The following CHD9 variants were observed in gnomAD, a reference collection of about 807,000 sequenced individuals.
The protein encoded by CHD9 is ATP-dependent chromatin remodeler CHD9.
A neutral mutation model predicts 316.1 loss-of-function variants in CHD9; 77 were observed. That is an observed-to-expected ratio of 0.24 (90% CI 0.20 to 0.29). The LOEUF (loss-of-function observed/expected upper bound fraction) is 0.29, where lower values mean the gene tolerates loss of function less well. Ranked by LOEUF, CHD9 falls within the 10% of genes least tolerant of loss-of-function variation. The pLI, the probability that CHD9 is intolerant of heterozygous loss-of-function variation, is 1.00. For missense variants in CHD9, 2,763 were observed against 3,438.1 expected (o/e 0.80, Z 4.91); for synonymous variants, 1,129 against 1,158.3 (o/e 0.97, Z 0.51).
At chr16:53,266,482 C>T (rs542769019) in intron 20 of CHD9, among the ~76,000 whole-genome samples, 10 of 152,242 alleles carry the variant, frequency 6.6e-5, no homozygotes, top group African/African-American at 2.4e-4. Context: ...TCCCTCACTG[C>T]CTGGCAAACT....
At chr16:53,289,076 A>G (rs895315651) in intron 27 of CHD9, among the ~76,000 whole-genome samples, 2 of 152,116 alleles carry the variant, frequency 1.3e-5, no homozygotes, top group African/African-American at 2.4e-5. Context: ...TTAGCATGCA[A>G]TAAAGAGTAA....
intron 1 of CHD9, among the ~76,000 whole-genome samples, chr16:53,067,457 A>G (rs545253000): frequency 6.6e-6 from 1 of 151,988 alleles, no homozygotes; most frequent in East Asian, 1.9e-4. Context: ...CTTTTTTTTT[A>G]TACCAACAAA....
chr16:53,128,776 C>T (rs1234837738), intron 1 of CHD9, among the ~76,000 whole-genome samples: 1 of 152,128 alleles, frequency 6.6e-6, no homozygotes. Flanking sequence ...AAGTGAACAC[C>T]ATTCACTGAC....
chr16:53,097,381 TTCCTTCCTTCC>T (rs2036474600), intron 1 of CHD9, among the ~76,000 whole-genome samples: 1 of 150,270 alleles, frequency 6.7e-6, no homozygotes, highest in African/African-American at 2.4e-5. Flanking sequence ...CCTTCCTTCC[TTCCTTCCTTCC>T]TTCCTTCCTT....
At position 53,308,706 on chromosome 16, in the gene CHD9, A is replaced by G. The variant is rs369201399; in HGVS notation, c.7074A>G (p.Thr2358=). Residue 2358 remains threonine (T), a synonymous_variant, in exon 34 of 39, where the codon ACA becomes ACG. Transcript: ENST00000447540. ...KIKDEGGLKL[T]FQKQGLAQKR... is the part of the protein sequence containing the mutation. ...AACAGGAAGGTGGTTTGAAGTTGAC[A>G]TTTCAGAAGCAAGGGCTTGCTCAGA... 170 of 1,612,574 alleles carry G rather than the reference A, an allele frequency of 1.1e-4. No individual in the cohort carries two copies. The highest frequency in any genetic ancestry group is 1.4e-4 in the Non-Finnish European group (161 of 1,179,252).
intron 21 of CHD9, 23 bp from the exon 22 acceptor site, chr16:53,267,904 G>A (rs1315507572): frequency 6.3e-7 from 1 of 1,599,602 alleles, no homozygotes; most frequent in Admixed American, 1.7e-5. Context: ...CAATATCAAT[G>A]TAACTATACC....
At chr16:53,097,437 C>T (rs986261807) in intron 1 of CHD9, among the ~76,000 whole-genome samples, 2 of 151,646 alleles carry the variant, frequency 1.3e-5, no homozygotes, top group African/African-American at 4.8e-5. Context: ...CTTGCTCTGT[C>T]ACCCAGGCTG....
chr16:53,151,099 A>G (rs1030226416), intron 1 of CHD9, among the ~76,000 whole-genome samples: 9 of 151,428 alleles, frequency 5.9e-5, no homozygotes, highest in African/African-American at 2.2e-4. Context: ...CCCACAATGT[A>G]TATTTTATTC....
chr16:53,292,484 A>G (rs2054424582), intron 28 of CHD9, among the ~76,000 whole-genome samples: 1 of 152,236 alleles, frequency 6.6e-6, no homozygotes, highest in South Asian at 2.1e-4. Flanking sequence ...GAAGGCTTCC[A>G]TTAGAAGCGT....
intron 1 of CHD9, among the ~76,000 whole-genome samples, chr16:53,068,992 C>CTTTTCTTTTA (rs1555477073): frequency 6.6e-6 from 1 of 151,830 alleles, no homozygotes; most frequent in African/African-American, 2.4e-5. Context: ...GCATTTTCTT[C>CTTTTCTTTTA]TTTTATTTTA....
At chr16:53,123,751 C>T (rs1278757972) in intron 1 of CHD9, among the ~76,000 whole-genome samples, 1 of 152,162 alleles carries the variant, frequency 6.6e-6, no homozygotes, top group African/African-American at 2.4e-5. Context: ...ATCTGCCCAC[C>T]TCGGCCTCCC....
At chr16:53,112,132 T>G (rs962661566) in intron 1 of CHD9, among the ~76,000 whole-genome samples, 1 of 152,224 alleles carries the variant, frequency 6.6e-6, no homozygotes, top group Non-Finnish European at 1.5e-5. Context: ...TTTCTTCTGT[T>G]TTAAGCTGTC....
chr16:53,256,822 T>C (rs2050651314), intron 19 of CHD9, among the ~76,000 whole-genome samples: 1 of 152,184 alleles, frequency 6.6e-6, no homozygotes, highest in Non-Finnish European at 1.5e-5. Context: ...TTCCCCTCTC[T>C]GCTTTCAATC....
At chr16:53,064,024 A>G (rs1167587001) in intron 1 of CHD9, among the ~76,000 whole-genome samples, 1 of 149,716 alleles carries the variant, frequency 6.7e-6, no homozygotes. Context: ...TGGTAGAAAC[A>G]GGTCTGGCTG....
At chr16:53,065,284 A>G (rs1328471932) in intron 1 of CHD9, among the ~76,000 whole-genome samples, 1 of 152,104 alleles carries the variant, frequency 6.6e-6, no homozygotes, top group Non-Finnish European at 1.5e-5. Context: ...TGTCTGATCA[A>G]TCACTGCATC....
intron 25 of CHD9, 36 bp from the exon 26 acceptor site, chr16:53,286,185 CTTTTT>C: frequency 8.3e-7 from 1 of 1,210,042 alleles, no homozygotes; most frequent in Non-Finnish European, 1.2e-6. Flanking sequence ...CACCTTTCTT[CTTTTT>C]ATCTTTTTTA....
intron 11 of CHD9, among the ~76,000 whole-genome samples, chr16:53,237,903 T>C (rs550049270): frequency 2.6e-5 from 4 of 152,182 alleles, no homozygotes; most frequent in African/African-American, 4.8e-5. Flanking sequence ...GCTTTATCTG[T>C]GCTTCAGTGA....
intron 1 of CHD9, among the ~76,000 whole-genome samples, chr16:53,058,512 G>C (rs188207387): frequency 1.1e-4 from 17 of 152,334 alleles, no homozygotes; most frequent in Admixed American, 4.6e-4. Context: ...GTTTCTGGCA[G>C]AAAGGTCAGC....
intron 24 of CHD9, among the ~76,000 whole-genome samples, chr16:53,278,657 A>G (rs1005910802): frequency 6.6e-6 from 1 of 152,218 alleles, no homozygotes; most frequent in Non-Finnish European, 1.5e-5. Flanking sequence ...AACTCAAACA[A>G]ATTTACAAGA....
Sources: allele counts gnomAD v4.1 joint callset (sites outside exome capture counted in the v4.1 genomes callset), GRCh38; gene constraint gnomAD v4.1.1; transcripts MANE v1.5; gene names NCBI Gene and HGNC (gene_info 2026-07-23, HGNC 2026-07-21).